DSC1: variants seen among roughly 807,000 people sequenced by gnomAD.
DSC1 encodes desmocollin 1.
DSC1 carries 79 observed loss-of-function variants against 98.8 expected under a neutral mutation model. The observed-to-expected ratio is 0.80, with a 90% CI of 0.67 to 0.96. The LOEUF is 0.96. DSC1 is among the 50% of genes least tolerant of loss of function. The probability of loss-of-function intolerance (pLI) is 0.00; values close to 1 mark genes in which losing one functional copy is unlikely to be tolerated. For synonymous variants in DSC1, 405 were observed against 372.1 expected (o/e 1.09, Z -1.02); for missense variants, 1,115 against 1,075.9 (o/e 1.04, Z -0.51).
intron 2 of DSC1, among the ~76,000 whole-genome samples, chr18:31,159,173 C>A (rs1162894038): frequency 1.0e-5 from 1 of 99,372 alleles, no homozygotes; most frequent in African/African-American, 3.4e-5. Flanking sequence ...CCTGCCTCAG[C>A]CTCCCGAGTA....
intron 7 of DSC1, among the ~76,000 whole-genome samples, chr18:31,144,541 A>G (rs1340617170): frequency 6.6e-6 from 1 of 152,214 alleles, no homozygotes; most frequent in Non-Finnish European, 1.5e-5. Flanking sequence ...ACTATATGAC[A>G]TTCTAAAAAA....
intron 8 of DSC1, among the ~76,000 whole-genome samples, chr18:31,142,976 A>G (rs941871343): frequency 6.6e-6 from 1 of 152,044 alleles, no homozygotes; most frequent in African/African-American, 2.4e-5. Context: ...GAACATGTCT[A>G]TCACTGTACT....
Position 31,162,732 on chromosome 18 carries a change from C to T in DSC1, c.-138G>A. ...ATGCAGCTGAGCTTGGTTTGGAAGA[C>T]AGTCCGGAGGCAAGTGATAAACAGT... On this transcript the variant is annotated 5_prime_UTR_variant, in exon 1 of 16. Coordinates refer to ENST00000257198, the MANE Select transcript of DSC1 (RefSeq NM_024421.2). 4.3e-6 allele frequency: 3 copies of T among 704,816 alleles called. No individual in the cohort carries two copies. Among genetic ancestry groups the T allele is most frequent in the Non-Finnish European group, 7.5e-6 (3 of 401,626 alleles). The allele number at this position is 704,816 out of a possible 1,614,324, so 43.7% of individuals were successfully genotyped here.
chr18:31,130,497 A>C lies in DSC1; in HGVS notation c.*17T>G, dbSNP rs370606526. On this transcript the variant is annotated 3_prime_UTR_variant, in exon 16 of 16. Coordinates refer to ENST00000257198, the MANE Select transcript of DSC1 (RefSeq NM_024421.2). ...CTACTTATGCATCTGTGGATATTAC[A>C]CTATTAAAAGGCACATTTATTTCTT... is the stretch of plus-strand genomic sequence containing the variant. The C allele has an allele frequency of 1.8e-5, 29 of 1,613,366 alleles. No individual in the cohort carries two copies. The highest frequency in any genetic ancestry group is 2.5e-5 in the Non-Finnish European group (29 of 1,179,478).
rs267605153 is a variant in DSC1 at position 31,154,927 on chromosome 18, G to C, written c.474C>G (p.Ile158Met). 1 of 1,612,144 alleles carries C rather than the reference G, an allele frequency of 6.2e-7. No homozygotes were observed. Among genetic ancestry groups the C allele is most frequent in the African/African-American group, 1.3e-5 (1 of 74,822 alleles). ...LGPFPQHVQQ[I>M]QSDAAQNYTI... ...TGTAATTCTGTGCAGCATCAGATTGGATCTGCAGTAATAATTTAGGAATAG... is the reference window on the plus strand; with the variant it reads ...TGTAATTCTGTGCAGCATCAGATTGCATCTGCAGTAATAATTTAGGAATAG... Residue 158 changes from isoleucine (I) to methionine (M), a missense_variant and splice_region_variant, in exon 5 of 16, where the codon ATC becomes ATG. By Grantham distance (10) the Ile-to-Met change is conservative. Transcript: ENST00000257198.
At chr18:31,158,757 G>T (rs963951942) in intron 2 of DSC1, among the ~76,000 whole-genome samples, 1 of 151,880 alleles carries the variant, frequency 6.6e-6, no homozygotes, top group South Asian at 2.1e-4. Flanking sequence ...TTTTATTGGG[G>T]GCATTTAGAT....
At chr18:31,155,871 A>C (rs1308669770) in intron 4 of DSC1, among the ~76,000 whole-genome samples, 172 bp downstream of exon 4, 1 of 152,200 alleles carries the variant, frequency 6.6e-6, no homozygotes, top group Non-Finnish European at 1.5e-5. Flanking sequence ...TCTGTAAGAA[A>C]GTAATAAGAT....
intron 12 of DSC1, 69 bp downstream of exon 12, chr18:31,134,503 A>G: frequency 8.1e-7 from 1 of 1,228,812 alleles, no homozygotes; most frequent in Middle Eastern, 2.5e-4. Context: ...TATTATGATA[A>G]ACTAAGGTGA....
chr18:31,146,953 C>T (rs150288326), intron 6 of DSC1, among the ~76,000 whole-genome samples: 1 of 152,284 alleles, frequency 6.6e-6, no homozygotes, highest in African/African-American at 2.4e-5. Context: ...ATAGTCCAGA[C>T]ATGAGAGTAT....
intron 9 of DSC1, among the ~76,000 whole-genome samples, chr18:31,141,408 G>A (rs1200520218): frequency 6.6e-6 from 1 of 152,122 alleles, no homozygotes; most frequent in African/African-American, 2.4e-5. Context: ...AGAAGTCAAT[G>A]AGAGCTATGG....
At chr18:31,154,974 A>G (rs1215679674) in intron 4 of DSC1, 45 bp from the exon 5 acceptor site, 1 of 1,597,884 alleles carries the variant, frequency 6.3e-7, no homozygotes, top group Admixed American at 1.7e-5. Context: ...CATGATGAAT[A>G]TTTTCAACCT....
rs1358204708 is a variant in DSC1, at chr18:31,131,656, C to T, written c.2425G>A (p.Gly809Arg). 1 of 1,613,974 alleles carries T rather than the reference C, an allele frequency of 6.2e-7. No individual in the cohort carries two copies. The highest frequency in any genetic ancestry group is 1.7e-5 in the Admixed American group (1 of 59,988). The change falls in exon 15 of 16, where the codon GGA (glycine) becomes AGA (arginine). Residue 809 changes from glycine to arginine, a missense_variant. Transcript: ENST00000257198. ...TLESVKGVGQ[G>R]DTGRYAYTDW... The stretch of plus-strand genomic sequence containing the variant: ...GTGTACGCATATCTGCCAGTATCTC[C>T]CTGCCCCACTCCCTTGACGGACTCC...
chr18:31,152,489 T>G (rs1313271624), intron 5 of DSC1, among the ~76,000 whole-genome samples: 1 of 152,208 alleles, frequency 6.6e-6, no homozygotes. Flanking sequence ...ATCAAAGAAT[T>G]AGGAAATTCC....
intron 7 of DSC1, 106 bp from the exon 8 acceptor site, chr18:31,143,897 T>C: frequency 1.2e-6 from 1 of 821,376 alleles, no homozygotes. Flanking sequence ...TATTCTTTTT[T>C]ACTTTTTCTT....
Position 31,154,798 on chromosome 18 carries a change from G to A in DSC1, c.603C>T (p.Asp201=). The A allele has an allele frequency of 6.2e-7, 1 of 1,613,090 alleles. No homozygotes were observed. Among genetic ancestry groups the A allele is most frequent in the Non-Finnish European group, 8.5e-7 (1 of 1,179,588 alleles). Residue 201 remains aspartate (D), a synonymous_variant, in exon 5 of 16, where the codon GAC becomes GAT. Coordinates refer to ENST00000257198, the MANE Select transcript of DSC1 (RefSeq NM_024421.2). ...CCGCAAACTGTTCATATTTCTCACGGTCAATGCTCCTTGTACAAAAGATAT... is the reference window on the plus strand; with the variant it reads ...CCGCAAACTGTTCATATTTCTCACGATCAATGCTCCTTGTACAAAAGATAT... ...TGDIFCTRSI[D]REKYEQFALY... is the part of the protein sequence containing the mutation.
intron 7 of DSC1, among the ~76,000 whole-genome samples, chr18:31,144,940 C>T (rs7241552): frequency 0.54 from 56,066 of 104,738 alleles, 12,307 homozygotes; most frequent in Admixed American, 0.56. Flanking sequence ...CTTTTTCTTT[C>T]TTTTTTTTTT....
chr18:31,132,081 T>C (rs1265824905), intron 14 of DSC1: 12 of 542,692 alleles, frequency 2.2e-5, no homozygotes, highest in Non-Finnish European at 3.9e-5. Context: ...TCATTGTAGA[T>C]GTAATTAGCT....
intron 14 of DSC1, chr18:31,132,096 T>G (rs1988505750): frequency 5.9e-6 from 3 of 512,110 alleles, no homozygotes; most frequent in Non-Finnish European, 1.1e-5. Context: ...TTAGCTAAGA[T>G]GAGGTTATAT....
chr18:31,154,901 G>T lies in DSC1; in HGVS notation c.500C>A (p.Thr167Asn). 6.2e-7 allele frequency: 1 copy of T among 1,613,890 alleles called. No individual in the cohort carries two copies. Among genetic ancestry groups the T allele is most frequent in the Non-Finnish European group, 8.5e-7 (1 of 1,179,952 alleles). The change falls in exon 5 of 16, where the codon ACC (threonine) becomes AAC (asparagine). Residue 167 changes from threonine to asparagine, a missense_variant. Physicochemically the swap from Thr to Asn is moderately conservative, Grantham distance 65. Transcript: ENST00000257198. ...TGGCCCACTTATGGAATAAAAGATG[G>T]TGTAATTCTGTGCAGCATCAGATTG... Reference protein sequence around the residue: ...QIQSDAAQNYTIFYSISGPGV... With the variant: ...QIQSDAAQNYNIFYSISGPGV...
Sources: gnomAD v4.1 joint callset for allele counts (sites outside exome capture counted in the v4.1 genomes callset) on GRCh38, gnomAD v4.1.1 for gene constraint, MANE v1.5 for transcripts, NCBI Gene and HGNC (gene_info 2026-07-23, HGNC 2026-07-21) for gene names.